RANBP2: variants seen among roughly 807,000 people sequenced by gnomAD.
The protein encoded by RANBP2 is E3 SUMO-protein ligase RanBP2.
A neutral mutation model predicts 303.6 loss-of-function variants in RANBP2; 57 were observed. The ratio of observed to expected loss-of-function variants is 0.19; its 90% CI spans 0.15 to 0.23. RANBP2 has a LOEUF of 0.23. Among genes scored for constraint, RANBP2 ranks in the 10% least tolerant of loss-of-function variants. The pLI, the probability that RANBP2 is intolerant of heterozygous loss-of-function variation, is 1.00. For missense variants in RANBP2, 3,138 were observed against 3,780.8 expected, an observed-to-expected ratio of 0.83 and a Z score of 4.46; for synonymous variants, 1,167 against 1,301.5, an observed-to-expected ratio of 0.90 and a Z score of 2.23.
At chr2:108,846,687 A>G in the RANBP2 span, 3 of 1,491,832 alleles carry the variant, frequency 2.0e-6, no homozygotes, top group African/African-American at 4.3e-5. Context: ...AAAAAAAAAG[A>G]TATATTCTGA....
the RANBP2 span, among the ~76,000 whole-genome samples, chr2:109,603,097 A>G: frequency 1.3e-5 from 2 of 152,104 alleles, no homozygotes; most frequent in East Asian, 1.9e-4. Context: ...AAACAAAACA[A>G]AAAAGCATTA....
the RANBP2 span, among the ~76,000 whole-genome samples, chr2:109,559,795 C>CA: frequency 6.6e-6 from 1 of 151,940 alleles, no homozygotes; most frequent in Non-Finnish European, 1.5e-5. Context: ...AAAAGGCTGG[C>CA]AATGGTTTCA....
the RANBP2 span, among the ~76,000 whole-genome samples, chr2:109,028,770 G>A: frequency 2.0e-5 from 3 of 152,084 alleles, no homozygotes; most frequent in Non-Finnish European, 4.4e-5. Context: ...TGGACCTAAA[G>A]CAGCAGAACA....
chr2:108,792,983 G>A, the RANBP2 span, among the ~76,000 whole-genome samples: 1 of 151,924 alleles, frequency 6.6e-6, no homozygotes, highest in Non-Finnish European at 1.5e-5. Flanking sequence ...AGAATCACTT[G>A]AACCCGGGAA....
At chr2:109,391,363 A>G in the RANBP2 span, among the ~76,000 whole-genome samples, 1 of 152,194 alleles carries the variant, frequency 6.6e-6, no homozygotes, top group Non-Finnish European at 1.5e-5. Context: ...CAGGATGGGA[A>G]AGGCACATCT....
At chr2:109,233,826 T>C in the RANBP2 span, among the ~76,000 whole-genome samples, 2 of 152,240 alleles carry the variant, frequency 1.3e-5, no homozygotes, top group Non-Finnish European at 2.9e-5. Flanking sequence ...TGAGTCTGGC[T>C]TCTCTCACTT....
chr2:109,189,924 G>T, the RANBP2 span, among the ~76,000 whole-genome samples: 10 of 152,166 alleles, frequency 6.6e-5, no homozygotes, highest in South Asian at 1.9e-3. Context: ...CCTAATGGAT[G>T]CCTCCATGAG....
At chr2:109,564,232 G>T in the RANBP2 span, 1 of 771,364 alleles carries the variant, frequency 1.3e-6, no homozygotes, top group Non-Finnish European at 1.9e-6. Flanking sequence ...ACAATAATTA[G>T]TCATTACCAA....
chr2:108,782,820 G>C lies in RANBP2; in HGVS notation c.9327G>C (p.Lys3109Asn), dbSNP rs981504032. The change falls in exon 28 of 29, where the codon AAG becomes AAC. Residue 3109 changes from lysine (K) to asparagine (N), a missense_variant. Transcript: ENST00000283195. ...LCTGEKGFGF[K>N]NSIFHRVIPD... ...CTGGAGAGAAAGGCTTTGGTTTCAA[G>C]AATTCCATTTTTCACAGAGTAATTC... is the stretch of plus-strand genomic sequence containing the variant. 6 of 1,614,044 alleles carry C rather than the reference G, an allele frequency of 3.7e-6. No homozygotes were observed. The highest frequency in any genetic ancestry group is 5.1e-6 in the Non-Finnish European group (6 of 1,180,024).
the RANBP2 span, among the ~76,000 whole-genome samples, chr2:109,493,268 C>A: frequency 2.0e-5 from 3 of 147,710 alleles, no homozygotes; most frequent in Non-Finnish European, 4.5e-5. Context: ...CAAACACACA[C>A]CCCACGTACA....
the RANBP2 span, among the ~76,000 whole-genome samples, chr2:108,827,690 C>T: frequency 4.6e-5 from 7 of 151,902 alleles, no homozygotes; most frequent in African/African-American, 1.2e-4. Context: ...GTGGCAGGAG[C>T]TTGTAGTCCC....
the RANBP2 span, among the ~76,000 whole-genome samples, chr2:109,425,426 A>T: frequency 6.6e-6 from 1 of 152,268 alleles, no homozygotes; most frequent in East Asian, 1.9e-4. Flanking sequence ...GATGCCATCT[A>T]GGACTTTCAT....
At chr2:109,496,717 G>A in the RANBP2 span, among the ~76,000 whole-genome samples, 165 of 152,230 alleles carry the variant, frequency 1.1e-3, no homozygotes, top group Non-Finnish European at 2.2e-3. Context: ...CAGAATAATG[G>A]CCCCCAAAGA....
chr2:109,209,694 T>C, the RANBP2 span, among the ~76,000 whole-genome samples: 1 of 152,078 alleles, frequency 6.6e-6, no homozygotes, highest in African/African-American at 2.4e-5. Flanking sequence ...AAAGCATGAG[T>C]CACTACAAAA....
the RANBP2 span, among the ~76,000 whole-genome samples, chr2:109,022,999 C>T: frequency 1.3e-5 from 2 of 151,824 alleles, no homozygotes; most frequent in South Asian, 4.2e-4. Context: ...TGCAGTGAGC[C>T]GAGATCATGC....
the RANBP2 span, among the ~76,000 whole-genome samples, chr2:109,433,026 C>T: frequency 6.6e-6 from 1 of 152,250 alleles, no homozygotes; most frequent in African/African-American, 2.4e-5. Flanking sequence ...GTATGCTATG[C>T]GTGTGCAGTG....
chr2:108,784,858 A>G lies in RANBP2; in HGVS notation c.*957A>G, dbSNP rs1395277630. On this transcript the variant is annotated 3_prime_UTR_variant, in exon 29 of 29. Transcript: ENST00000283195. ...CATTCTAAAGTAAGGAAGACAATTTAAAGGCAGTAAATTCAAACTGCTGCA... is the reference window on the plus strand; with the variant it reads ...CATTCTAAAGTAAGGAAGACAATTTGAAGGCAGTAAATTCAAACTGCTGCA... The G allele has an allele frequency of 6.6e-6, 1 of 152,576 alleles. No individual in the cohort carries two copies. Among genetic ancestry groups the G allele is most frequent in the Admixed American group, 6.5e-5 (1 of 15,288 alleles). 9.5% of individuals were successfully genotyped at this position (152,576 alleles called of 1,614,324 possible). A position where few individuals can be genotyped will look rare whatever the true frequency, so the allele number is the denominator to read the frequency against.
chr2:109,270,454 C>A, the RANBP2 span, among the ~76,000 whole-genome samples: 10 of 152,150 alleles, frequency 6.6e-5, no homozygotes, highest in South Asian at 2.1e-3. Context: ...AACATTTCTT[C>A]TTGTTTCCAC....
At chr2:108,925,031 C>A in the RANBP2 span, among the ~76,000 whole-genome samples, 1 of 152,244 alleles carries the variant, frequency 6.6e-6, no homozygotes, top group Non-Finnish European at 1.5e-5. Context: ...GCCCTTGCCT[C>A]CTCCACCTTT....
Sources: allele counts gnomAD v4.1 joint callset (sites outside exome capture counted in the v4.1 genomes callset), GRCh38; gene constraint gnomAD v4.1.1; transcripts MANE v1.5; gene names NCBI Gene and HGNC (gene_info 2026-07-23, HGNC 2026-07-21).